The following ARSJ variants were observed in gnomAD, a reference collection of about 807,000 sequenced individuals.
ARSJ encodes the protein arylsulfatase family member J, also known as arylsulfatase J.
Under a neutral mutation model 35.9 loss-of-function variants are expected in ARSJ, and 26 were observed. The ratio of observed to expected loss-of-function variants is 0.72; its 90% CI spans 0.53 to 1.00. The LOEUF is 1.00. Among genes scored for constraint, ARSJ ranks in the 50% least tolerant of loss-of-function variants. The pLI, the probability that ARSJ is intolerant of heterozygous loss-of-function variation, is 0.00. For synonymous variants in ARSJ, 294 were observed against 267.6 expected (o/e 1.10, Z -0.96); for missense variants, 667 against 723.6 (o/e 0.92, Z 0.90).
intron 1 of ARSJ, among the ~76,000 whole-genome samples, chr4:113,935,744 C>T (rs1043488861): frequency 6.6e-6 from 1 of 151,860 alleles, no homozygotes; most frequent in Non-Finnish European, 1.5e-5. Flanking sequence ...ATCTGCTACC[C>T]TCTTAAAAAA....
intron 1 of ARSJ, among the ~76,000 whole-genome samples, chr4:113,907,876 G>A (rs906910746): frequency 2.0e-5 from 3 of 152,268 alleles, no homozygotes; most frequent in African/African-American, 4.8e-5. Context: ...TTATAAGTGA[G>A]TGCTAAACTT....
intron 1 of ARSJ, chr4:113,943,979 A>T (rs1725320072): frequency 6.6e-6 from 1 of 152,044 alleles, no homozygotes; most frequent in Admixed American, 6.6e-5. Flanking sequence ...ACATTGAAAA[A>T]TTTGGGGAGA....
chr4:113,955,004 C>CTTTTT (rs771948398), intron 1 of ARSJ, among the ~76,000 whole-genome samples: 5 of 138,214 alleles, frequency 3.6e-5, no homozygotes, highest in African/African-American at 1.3e-4. Context: ...TTTTTCTTTT[C>CTTTTT]TTTTTTTTTT....
At chr4:113,956,315 G>A (rs1562368711) in intron 1 of ARSJ, among the ~76,000 whole-genome samples, 1 of 152,000 alleles carries the variant, frequency 6.6e-6, no homozygotes. Context: ...TATTCCCCTA[G>A]AACATAAAGA....
At chr4:113,938,167 A>T (rs1724890732) in intron 1 of ARSJ, among the ~76,000 whole-genome samples, 1 of 152,168 alleles carries the variant, frequency 6.6e-6, no homozygotes, top group South Asian at 2.1e-4. Flanking sequence ...CCAAAACGGC[A>T]TGGTGCTGGT....
chr4:113,934,385 A>G (rs554584698), intron 1 of ARSJ, among the ~76,000 whole-genome samples: 46 of 151,986 alleles, frequency 3.0e-4, no homozygotes, highest in African/African-American at 1.1e-3. Context: ...TGTACACACA[A>G]GGGATATTAT....
chr4:113,967,645 C>A (rs1386155173), intron 1 of ARSJ, among the ~76,000 whole-genome samples: 3 of 152,116 alleles, frequency 2.0e-5, no homozygotes, highest in South Asian at 2.1e-4. Context: ...TAACTGCTTT[C>A]TCTGAATATG....
chr4:113,972,442 G>A lies in ARSJ; in HGVS notation c.398+5995C>T, dbSNP rs77400869. Among the ~76,000 whole-genome samples the A allele has an allele frequency of 0.013, 2,034 of 151,618 alleles. 114 individuals carry two copies. In the East Asian group the frequency reaches 0.16, roughly 12 times the overall value. Reference sequence around the variant, plus strand: ...TATGTCCCTCCTCTACTCTCACTCAGTCCTTTCCCCATCCCAACTCCCTAA... The same window carrying A: ...TATGTCCCTCCTCTACTCTCACTCAATCCTTTCCCCATCCCAACTCCCTAA... On this transcript the variant is annotated intron_variant, in intron 1 of 1. Transcript: ENST00000315366.
At position 113,948,014 on chromosome 4, in the gene ARSJ, C is replaced by T. The variant is rs139541786; in HGVS notation, c.398+30423G>A. On this transcript the variant is annotated intron_variant, in intron 1 of 1. Coordinates refer to ENST00000315366, the MANE Select transcript of ARSJ (RefSeq NM_024590.4). ...GACCAGCCTGGGCAACATGGTGAAA[C>T]CCCATCTCTAATAAAAATACAAAAA... Among the ~76,000 whole-genome samples the T allele has an allele frequency of 8.4e-3, 1,280 of 152,022 alleles. 7 individuals are homozygous for T. Among genetic ancestry groups the T allele is most frequent in the Admixed American group, 0.017 (258 of 15,260 alleles).
intron 1 of ARSJ, among the ~76,000 whole-genome samples, chr4:113,907,022 AG>A (rs1301437976): frequency 6.6e-6 from 1 of 152,214 alleles, no homozygotes; most frequent in African/African-American, 2.4e-5. Flanking sequence ...TTTTCTCCCC[AG>A]CACCCTCAAC....
intron 1 of ARSJ, among the ~76,000 whole-genome samples, chr4:113,969,331 A>G (rs1727095363): frequency 6.6e-6 from 1 of 150,852 alleles, no homozygotes; most frequent in South Asian, 2.1e-4. Context: ...GATAAAATAT[A>G]TTAAAATTAA....
intron 1 of ARSJ, among the ~76,000 whole-genome samples, chr4:113,905,860 G>A (rs1029439501): frequency 5.3e-5 from 8 of 151,546 alleles, no homozygotes; most frequent in South Asian, 2.1e-4. Flanking sequence ...TAGAGATAGC[G>A]TTTCACTGTG....
In ARSJ at chr4:113,978,902, T is replaced by A; in HGVS notation, c.-68A>T. On this transcript the variant is annotated 5_prime_UTR_variant, in exon 1 of 2. An upstream start codon of the reference 5' UTR is lost. Coordinates refer to ENST00000315366, the MANE Select transcript of ARSJ (RefSeq NM_024590.4). The stretch of plus-strand genomic sequence containing the variant: ...CCCCGCGCCGCTGCGGGCGCACACA[T>A]GCACCCAACAGACGGTGAAGACTCT... 6.7e-7 allele frequency: 1 copy of A among 1,483,576 alleles called. No homozygotes were observed. Among genetic ancestry groups the A allele is most frequent in the Admixed American group, 2.2e-5 (1 of 45,414 alleles). The allele number at this position is 1,483,576 out of a possible 1,614,324, so 91.9% of individuals were successfully genotyped here. A position where few individuals can be genotyped will look rare whatever the true frequency, so the allele number is the denominator to read the frequency against.
At chr4:113,943,379 T>A (rs1020743617) in intron 1 of ARSJ, 1 of 152,076 alleles carries the variant, frequency 6.6e-6, no homozygotes, top group African/African-American at 2.4e-5. Flanking sequence ...TTCCATCACA[T>A]GCCAGGAAGC....
chr4:113,936,822 TA>T (rs1269353516), intron 1 of ARSJ, among the ~76,000 whole-genome samples: 1 of 151,772 alleles, frequency 6.6e-6, no homozygotes, highest in Non-Finnish European at 1.5e-5. Context: ...AGCAAAACAT[TA>T]AAAAAATCAC....
chr4:113,925,327 A>G (rs1314152423), intron 1 of ARSJ, among the ~76,000 whole-genome samples: 1 of 151,876 alleles, frequency 6.6e-6, no homozygotes, highest in Non-Finnish European at 1.5e-5. Context: ...GGGAGCAAAA[A>G]TTTTGCTAGT....
intron 1 of ARSJ, among the ~76,000 whole-genome samples, chr4:113,906,412 C>A (rs542331914): frequency 6.6e-6 from 1 of 152,100 alleles, no homozygotes; most frequent in African/African-American, 2.4e-5. Flanking sequence ...AATGGTGTAG[C>A]GTCTGCAGAT....
At position 113,922,151 on chromosome 4, in the gene ARSJ, T is replaced by G. The variant is rs187446877; in HGVS notation, c.399-18476A>C. Among the ~76,000 whole-genome samples, 174 of 152,220 alleles carry G rather than the reference T, an allele frequency of 1.1e-3. 2 individuals carry two copies. Among genetic ancestry groups the G allele is most frequent in the Admixed American group, 2.0e-3 (30 of 15,250 alleles). Reference sequence around the variant, plus strand: ...GAAATATCTCTGTCTCTAATTCTCTTCCCAAGGGACATCTTCTGATTAAGT... The same window carrying G: ...GAAATATCTCTGTCTCTAATTCTCTGCCCAAGGGACATCTTCTGATTAAGT... On this transcript the variant is annotated intron_variant, in intron 1 of 1. Coordinates refer to ENST00000315366, the MANE Select transcript of ARSJ (RefSeq NM_024590.4).
intron 1 of ARSJ, among the ~76,000 whole-genome samples, chr4:113,968,098 C>A (rs1225821533): frequency 1.3e-5 from 2 of 152,086 alleles, no homozygotes; most frequent in Non-Finnish European, 2.9e-5. Context: ...ATGTGGCAGG[C>A]TCTGTTCTAA....
Sources: gnomAD v4.1 joint callset for allele counts (sites outside exome capture counted in the v4.1 genomes callset) on GRCh38, gnomAD v4.1.1 for gene constraint, MANE v1.5 for transcripts, NCBI Gene and HGNC (gene_info 2026-07-23, HGNC 2026-07-21) for gene names.